PDGFC: variants seen among roughly 807,000 people sequenced by gnomAD.
PDGFC encodes the protein platelet derived growth factor C.
A neutral mutation model predicts 35.5 loss-of-function variants in PDGFC; 12 were observed. That is an observed-to-expected ratio of 0.34 (90% CI 0.22 to 0.55). The LOEUF (loss-of-function observed/expected upper bound fraction) is 0.55. Among genes scored for constraint, PDGFC ranks in the 20% least tolerant of loss-of-function variants. The pLI is 0.91. For missense variants in PDGFC, 322 were observed against 412.4 expected, an observed-to-expected ratio of 0.78 and a Z score of 1.90; for synonymous variants, 159 against 148.8, an observed-to-expected ratio of 1.07 and a Z score of -0.50.
chr4:156,916,249 G>T (rs1392632791), intron 1 of PDGFC, among the ~76,000 whole-genome samples: 1 of 152,034 alleles, frequency 6.6e-6, no homozygotes, highest in Non-Finnish European at 1.5e-5. Flanking sequence ...TGTTGCAAAA[G>T]GGCCTCTCAC....
intron 1 of PDGFC, 95 bp downstream of exon 1, chr4:156,970,691 T>C (rs2110999002): frequency 1.3e-6 from 1 of 764,822 alleles, no homozygotes; most frequent in East Asian, 2.5e-5. Context: ...CAAAGATACC[T>C]TCACAGTCTG....
chr4:156,835,784 T>C (rs1345066871), intron 2 of PDGFC: 1 of 152,214 alleles, frequency 6.6e-6, no homozygotes, highest in African/African-American at 2.4e-5. Flanking sequence ...AACTCCCTCA[T>C]GTAAATATGC....
At chr4:156,835,337 T>G (rs1729037681) in intron 2 of PDGFC, among the ~76,000 whole-genome samples, 1 of 152,176 alleles carries the variant, frequency 6.6e-6, no homozygotes, top group Admixed American at 6.5e-5. Context: ...GTTGGGAATG[T>G]CAATTAGTTC....
At chr4:156,926,049 CAA>C (rs397707839) in intron 1 of PDGFC, among the ~76,000 whole-genome samples, 151 of 67,546 alleles carry the variant, frequency 2.2e-3, no homozygotes, top group Admixed American at 3.3e-3. Flanking sequence ...AGATCTGTCT[CAA>C]AAAAAAAAAA....
At chr4:156,912,479 C>T (rs190370266) in intron 1 of PDGFC, among the ~76,000 whole-genome samples, 1 of 152,204 alleles carries the variant, frequency 6.6e-6, no homozygotes, top group Admixed American at 6.5e-5. Flanking sequence ...TGCTTGCTTC[C>T]CTGTCTCCCA....
Position 156,970,948 on chromosome 4 carries a change from A to G in PDGFC, c.-45T>C. 1 of 1,260,902 alleles carries G rather than the reference A, an allele frequency of 7.9e-7. No homozygotes were observed. Among genetic ancestry groups the G allele is most frequent in the Non-Finnish European group, 1.2e-6 (1 of 863,940 alleles). 78.1% of individuals were successfully genotyped at this position (1,260,902 alleles called of 1,614,324 possible). A position where few individuals can be genotyped will look rare whatever the true frequency, so the allele number is the denominator to read the frequency against. ...GCTCACTCACGGCGGGCACTTTGGA[A>G]GCAGCGACTCCCGAGTCTCTTTCAC... On this transcript the variant is annotated 5_prime_UTR_variant, in exon 1 of 6. Transcript: ENST00000502773.
At chr4:156,909,408 G>A (rs1429388800) in intron 1 of PDGFC, among the ~76,000 whole-genome samples, 1 of 152,024 alleles carries the variant, frequency 6.6e-6, no homozygotes, top group African/African-American at 2.4e-5. Flanking sequence ...AAATATTATG[G>A]CCAGAAAATA....
intron 3 of PDGFC, among the ~76,000 whole-genome samples, chr4:156,792,359 T>C (rs551225227): frequency 6.6e-6 from 1 of 152,296 alleles, no homozygotes; most frequent in African/African-American, 2.4e-5. Context: ...AGTGTATTGG[T>C]GGGACACTTG....
At chr4:156,939,681 T>C (rs1005143773) in intron 1 of PDGFC, among the ~76,000 whole-genome samples, 1 of 152,088 alleles carries the variant, frequency 6.6e-6, no homozygotes, top group African/African-American at 2.4e-5. Flanking sequence ...TTGACATCAA[T>C]GTGTCCTCAG....
chr4:156,765,765 A>C (rs931699164), intron 5 of PDGFC, among the ~76,000 whole-genome samples: 4 of 152,212 alleles, frequency 2.6e-5, no homozygotes, highest in African/African-American at 9.6e-5. Flanking sequence ...TTCCTGCTTC[A>C]GGGCAAAATT....
At chr4:156,778,312 G>T in intron 3 of PDGFC, 1 of 247,164 alleles carries the variant, frequency 4.0e-6, no homozygotes, top group Non-Finnish European at 8.8e-6. Context: ...CACAAATCCT[G>T]GTGAATGTGG....
chr4:156,848,645 AT>A (rs1729382484), intron 2 of PDGFC, among the ~76,000 whole-genome samples: 1 of 152,008 alleles, frequency 6.6e-6, no homozygotes, highest in Non-Finnish European at 1.5e-5. Flanking sequence ...AGCACATGGT[AT>A]TACTCCATTG....
intron 2 of PDGFC, among the ~76,000 whole-genome samples, chr4:156,818,812 A>G (rs2110970414): frequency 6.6e-6 from 1 of 152,164 alleles, no homozygotes; most frequent in South Asian, 2.1e-4. Flanking sequence ...CACTCTTTCT[A>G]GCTTTTGATT....
chr4:156,885,245 A>G (rs1243313535), intron 1 of PDGFC, among the ~76,000 whole-genome samples: 3 of 152,106 alleles, frequency 2.0e-5, no homozygotes, highest in African/African-American at 4.8e-5. Flanking sequence ...TCTACTCCAT[A>G]ACAGAAGATA....
chr4:156,771,916 G>GA (rs1730703458), intron 4 of PDGFC, among the ~76,000 whole-genome samples: 1 of 152,042 alleles, frequency 6.6e-6, no homozygotes, highest in African/African-American at 2.4e-5. Flanking sequence ...GTCTGCTATG[G>GA]ATGCTTTCCA....
intron 1 of PDGFC, among the ~76,000 whole-genome samples, chr4:156,921,283 G>C (rs1018683310): frequency 6.6e-6 from 1 of 152,142 alleles, no homozygotes; most frequent in Non-Finnish European, 1.5e-5. Context: ...ATAAGGGGTG[G>C]TGATCAGAAT....
intron 1 of PDGFC, among the ~76,000 whole-genome samples, chr4:156,858,437 T>C (rs1729633810): frequency 6.6e-6 from 1 of 152,074 alleles, no homozygotes; most frequent in Non-Finnish European, 1.5e-5. Flanking sequence ...TACATACCAA[T>C]TAGTAATGAA....
At chr4:156,906,145 G>A (rs142677987) in intron 1 of PDGFC, among the ~76,000 whole-genome samples, 2,491 of 152,138 alleles carry the variant, frequency 0.016, 75 homozygotes, top group African/African-American at 0.057. Context: ...TTCAAAACAA[G>A]TAAGAATATT....
At chr4:156,862,171 C>CA (rs1443353792) in intron 1 of PDGFC, among the ~76,000 whole-genome samples, 1 of 152,012 alleles carries the variant, frequency 6.6e-6, no homozygotes. Context: ...ATTTTAAAAG[C>CA]AAAGGTGCAA....
Sources: allele counts gnomAD v4.1 joint callset (sites outside exome capture counted in the v4.1 genomes callset), GRCh38; gene constraint gnomAD v4.1.1; transcripts MANE v1.5; gene names NCBI Gene and HGNC (gene_info 2026-07-23, HGNC 2026-07-21).